Variants in MECOM observed in about 807,000 individuals in gnomAD.
MECOM encodes the protein histone-lysine N-methyltransferase MECOM.
Under a neutral mutation model 116.3 loss-of-function variants are expected in MECOM, and 13 were observed. The observed-to-expected ratio is 0.11, with a 90% CI of 0.07 to 0.18. MECOM has a LOEUF of 0.18. Ranked by LOEUF, MECOM falls within the 10% of genes least tolerant of loss-of-function variation. The pLI, the probability that MECOM is intolerant of heterozygous loss-of-function variation, is 1.00. For synonymous variants in MECOM, 528 were observed against 535.2 expected, an observed-to-expected ratio of 0.99 and a Z score of 0.19; for missense variants, 1,299 against 1,509.0, an observed-to-expected ratio of 0.86 and a Z score of 2.31.
intron 2 of MECOM, among the ~76,000 whole-genome samples, chr3:169,331,944 A>G (rs1174646843): frequency 3.3e-5 from 5 of 151,764 alleles, no homozygotes; most frequent in African/African-American, 1.2e-4. Flanking sequence ...GGATGGCTCC[A>G]GAGTCACTGC....
At chr3:169,121,279 A>C in intron 6 of MECOM, 70 bp from the exon 7 acceptor site, 1 of 1,437,244 alleles carries the variant, frequency 7.0e-7, no homozygotes, top group Non-Finnish European at 9.3e-7. Context: ...ACCCGGGATG[A>C]CTCAAGAAGA....
At chr3:169,320,151 C>T (rs376271899) in intron 2 of MECOM, among the ~76,000 whole-genome samples, 3 of 152,064 alleles carry the variant, frequency 2.0e-5, no homozygotes, top group Non-Finnish European at 2.9e-5. Flanking sequence ...GGATTGGATG[C>T]GGATTTTAGA....
rs1737189374 is a variant in MECOM at position 169,138,827 on chromosome 3, CGAAA to C, written c.510+4867_510+4870del. ...GCTGTTTTGCACAAATTGTACTAAT[CGAAA>C]GATGCAGGAAAGTGGATTTTTTTTC... On this transcript the variant is annotated intron_variant, in intron 3 of 16. Transcript: ENST00000651503. 2.6e-5 allele frequency among the ~76,000 whole-genome samples: 4 copies of C among 151,952 alleles called. No homozygotes were observed. In the South Asian group the frequency reaches 8.3e-4, roughly 31 times the overall value.
At chr3:169,624,188 C>T (rs1391659854) in intron 1 of MECOM, among the ~76,000 whole-genome samples, 1 of 152,206 alleles carries the variant, frequency 6.6e-6, no homozygotes, top group Admixed American at 6.5e-5. Flanking sequence ...TCACTTAACA[C>T]CTTTGTCAAT....
At chr3:169,166,007 T>G (rs927091415) in intron 2 of MECOM, among the ~76,000 whole-genome samples, 2 of 152,146 alleles carry the variant, frequency 1.3e-5, no homozygotes, top group African/African-American at 4.8e-5. Flanking sequence ...ATGTCTATCA[T>G]GAATTCCACT....
chr3:169,624,163 A>ACGTTACC (rs1212554101), intron 1 of MECOM, among the ~76,000 whole-genome samples: 2 of 152,176 alleles, frequency 1.3e-5, no homozygotes, highest in Non-Finnish European at 2.9e-5. Context: ...CTAGCATACC[A>ACGTTACC]CGTTACCCTG....
chr3:169,561,386 G>T (rs766914227), intron 1 of MECOM, among the ~76,000 whole-genome samples: 150 of 152,058 alleles, frequency 9.9e-4, no homozygotes, highest in Non-Finnish European at 1.5e-3. Context: ...TTCATATGAT[G>T]AAATATTATA....
At position 169,200,460 on chromosome 3, in the gene MECOM, G is replaced by C. The variant is rs746414653; in HGVS notation, c.376-56628C>G. Among the ~76,000 whole-genome samples, 11 of 151,898 alleles carry C rather than the reference G, an allele frequency of 7.2e-5. No homozygotes were observed. In the South Asian group the frequency reaches 1.7e-3, roughly 23 times the overall value. On this transcript the variant is annotated intron_variant, in intron 2 of 16. Transcript: ENST00000651503. ...GTGGGAGGTTTTTTAACAAGATCTAGGTTTGTCTAAAAAAAATTCAAAAGG... is the reference window on the plus strand; with the variant it reads ...GTGGGAGGTTTTTTAACAAGATCTACGTTTGTCTAAAAAAAATTCAAAAGG...
At chr3:169,336,054 C>T (rs1283945748) in intron 2 of MECOM, among the ~76,000 whole-genome samples, 1 of 152,044 alleles carries the variant, frequency 6.6e-6, no homozygotes, top group Non-Finnish European at 1.5e-5. Context: ...ATCAAAATGG[C>T]TTTCTGGATT....
chr3:169,505,355 G>A (rs1373507653), intron 1 of MECOM, among the ~76,000 whole-genome samples: 1 of 150,682 alleles, frequency 6.6e-6, no homozygotes, highest in African/African-American at 2.4e-5. Context: ...CTTACCAAAG[G>A]CATACCAAAA....
intron 2 of MECOM, among the ~76,000 whole-genome samples, chr3:169,208,223 GTGTGTA>G (rs1750211878): frequency 6.7e-6 from 1 of 150,154 alleles, no homozygotes; most frequent in African/African-American, 2.4e-5. Flanking sequence ...GTGTGTGTGT[GTGTGTA>G]TATTTATATA....
At chr3:169,553,593 T>G (rs1369756091) in intron 1 of MECOM, among the ~76,000 whole-genome samples, 1 of 152,238 alleles carries the variant, frequency 6.6e-6, no homozygotes, top group Non-Finnish European at 1.5e-5. Context: ...ATGTATTAGC[T>G]TGCCACAATT....
chr3:169,625,908 C>T (rs1771311517), intron 1 of MECOM, among the ~76,000 whole-genome samples: 1 of 152,160 alleles, frequency 6.6e-6, no homozygotes, highest in Non-Finnish European at 1.5e-5. Context: ...ATTTCAGACC[C>T]AACTCAGATT....
chr3:169,091,275 T>C (rs375983664), intron 14 of MECOM, among the ~76,000 whole-genome samples: 2 of 151,984 alleles, frequency 1.3e-5, no homozygotes, highest in African/African-American at 4.8e-5. Context: ...GAAAATCTAT[T>C]TGTTAATTAA....
chr3:169,571,510 C>G (rs1242942893), intron 1 of MECOM, among the ~76,000 whole-genome samples: 2 of 152,134 alleles, frequency 1.3e-5, no homozygotes, highest in Non-Finnish European at 2.9e-5. Flanking sequence ...TCATGTGGAA[C>G]AGAAATAGAG....
intron 1 of MECOM, among the ~76,000 whole-genome samples, chr3:169,438,139 G>C (rs1283305576): frequency 6.6e-6 from 1 of 152,176 alleles, no homozygotes; most frequent in Non-Finnish European, 1.5e-5. Flanking sequence ...TTCAAACCCT[G>C]ATTGTCTAGC....
At chr3:169,321,227 G>A (rs940177204) in intron 2 of MECOM, among the ~76,000 whole-genome samples, 16 of 152,198 alleles carry the variant, frequency 1.1e-4, no homozygotes, top group African/African-American at 3.6e-4. Context: ...ATGCTAAATG[G>A]ATAGGAAAAG....
In MECOM at chr3:169,173,277, C is replaced by T. The variant is rs149143532; in HGVS notation, c.376-29445G>A. ...CAGGATGCTCTCCTGGGATCATTTT[C>T]TCTGCTAGCTGAGGAAATGCTGAAT... On this transcript the variant is annotated intron_variant, in intron 2 of 16. Transcript: ENST00000651503. Among the ~76,000 whole-genome samples, 618 of 152,154 alleles carry T rather than the reference C, an allele frequency of 4.1e-3. 4 individuals carry two copies. Among genetic ancestry groups the T allele is most frequent in the African/African-American group, 0.014 (576 of 41,520 alleles).
intron 1 of MECOM, among the ~76,000 whole-genome samples, chr3:169,569,680 G>A (rs1374043096): frequency 3.3e-5 from 5 of 152,080 alleles, no homozygotes; most frequent in East Asian, 1.9e-4. Flanking sequence ...TAAGAAACTC[G>A]CTCAAACCTG....
Sources: gnomAD v4.1 joint callset for allele counts (sites outside exome capture counted in the v4.1 genomes callset) on GRCh38, gnomAD v4.1.1 for gene constraint, MANE v1.5 for transcripts, NCBI Gene and HGNC (gene_info 2026-07-23, HGNC 2026-07-21) for gene names.